WWOX: variants seen among roughly 807,000 people sequenced by gnomAD.
WWOX encodes WW domain-containing oxidoreductase.
WWOX carries 69 observed loss-of-function variants against 46.2 expected under a neutral mutation model. That is an observed-to-expected ratio of 1.49 (90% CI 1.23 to 1.82). The LOEUF (loss-of-function observed/expected upper bound fraction) is 1.82, where lower values mean the gene tolerates loss of function less well. Ranked by LOEUF, WWOX falls within the 40% of genes most tolerant of loss-of-function variation. The probability of loss-of-function intolerance (pLI) is 0.00; values close to 1 mark genes in which losing one functional copy is unlikely to be tolerated. For synonymous variants in WWOX, 359 were observed against 202.6 expected, an observed-to-expected ratio of 1.77 and a Z score of -6.56; for missense variants, 919 against 542.6, an observed-to-expected ratio of 1.69 and a Z score of -6.89.
At chr16:78,601,923 G>C (rs531277874) in intron 8 of WWOX, among the ~76,000 whole-genome samples, 2 of 152,248 alleles carry the variant, frequency 1.3e-5, no homozygotes, top group South Asian at 4.1e-4. Flanking sequence ...TGTTTTATTA[G>C]CGAAATCATC....
intron 8 of WWOX, among the ~76,000 whole-genome samples, chr16:79,013,637 G>T (rs985560818): frequency 5.3e-5 from 8 of 152,032 alleles, no homozygotes; most frequent in African/African-American, 1.4e-4. Context: ...CCTGGGTCCC[G>T]GGTCTCCTCG....
chr16:78,746,998 G>T (rs909763709), intron 8 of WWOX, among the ~76,000 whole-genome samples: 1 of 151,986 alleles, frequency 6.6e-6, no homozygotes, highest in Non-Finnish European at 1.5e-5. Flanking sequence ...ATGTCCTGAA[G>T]ACCTGAACTC....
intron 5 of WWOX, among the ~76,000 whole-genome samples, chr16:78,359,280 C>G (rs562119082): frequency 3.5e-4 from 54 of 152,266 alleles, no homozygotes; most frequent in African/African-American, 1.3e-3. Flanking sequence ...ATATTCTTTT[C>G]AGTTTTAAAT....
chr16:79,013,963 G>C (rs1035558057), intron 8 of WWOX, among the ~76,000 whole-genome samples: 1 of 152,114 alleles, frequency 6.6e-6, no homozygotes, highest in Non-Finnish European at 1.5e-5. Flanking sequence ...AGGATGCTCC[G>C]CCGCCTGTAA....
chr16:78,702,442 G>C (rs1259052012), intron 8 of WWOX, among the ~76,000 whole-genome samples: 2 of 151,900 alleles, frequency 1.3e-5, no homozygotes, highest in Admixed American at 1.3e-4. Context: ...CATGAGGTCA[G>C]GAGTTTGAGA....
Position 78,426,774 on chromosome 16 carries a change from C to T in WWOX, c.791+1719C>T, listed in dbSNP as rs2083089080. On this transcript the variant is annotated intron_variant, in intron 7 of 8. Transcript: ENST00000566780. ...AGACTCCCAGGGTTAAGCGATTCTC[C>T]TGCCTCAGCCTTCCAAGTAGCTGGG... is the stretch of plus-strand genomic sequence containing the variant. 2.6e-5 allele frequency among the ~76,000 whole-genome samples: 4 copies of T among 152,306 alleles called. No homozygotes were observed. The South Asian group carries it at 8.3e-4, about 32-fold the overall frequency.
chr16:78,808,753 G>C (rs1007812769), intron 8 of WWOX, among the ~76,000 whole-genome samples: 2 of 152,110 alleles, frequency 1.3e-5, no homozygotes, highest in African/African-American at 4.8e-5. Context: ...AGTAAATTGA[G>C]ATGCGTAGGT....
chr16:78,862,817 C>G (rs896089303), intron 8 of WWOX, among the ~76,000 whole-genome samples: 1 of 152,154 alleles, frequency 6.6e-6, no homozygotes, highest in African/African-American at 2.4e-5. Flanking sequence ...GTCTGCTTTA[C>G]TCATAGTACT....
intron 6 of WWOX, among the ~76,000 whole-genome samples, chr16:78,423,457 A>G (rs1258760418): frequency 6.6e-6 from 1 of 152,104 alleles, no homozygotes; most frequent in Admixed American, 6.6e-5. Context: ...CCTTGTATAT[A>G]TTTATTTTGT....
intron 8 of WWOX, among the ~76,000 whole-genome samples, chr16:78,765,548 G>A (rs892233835): frequency 5.3e-5 from 8 of 152,000 alleles, no homozygotes; most frequent in Non-Finnish European, 1.0e-4. Context: ...GTGTGATAGC[G>A]GGCGCCTGTA....
rs117526147 is a variant in WWOX at position 78,457,285 on chromosome 16, A to T, written c.1056+24533A>T. Among the ~76,000 whole-genome samples, 195 of 152,328 alleles carry T rather than the reference A, an allele frequency of 1.3e-3. 3 individuals carry two copies. In the East Asian group the frequency reaches 0.035, roughly 28 times the overall value. ...AGCTCTCCTGCAAATATTCCATTGC[A>T]CGACTTTAAATAAAGCAGCAAGAAG... On this transcript the variant is annotated intron_variant, in intron 8 of 8. Coordinates refer to ENST00000566780, the MANE Select transcript of WWOX (RefSeq NM_016373.4).
chr16:78,966,220 T>C (rs1309512989), intron 8 of WWOX, among the ~76,000 whole-genome samples: 1 of 152,238 alleles, frequency 6.6e-6, no homozygotes, highest in Non-Finnish European at 1.5e-5. Flanking sequence ...TTGAGTTTTC[T>C]AAAGGCACTG....
intron 8 of WWOX, among the ~76,000 whole-genome samples, chr16:78,721,196 C>A (rs1462652244): frequency 6.6e-6 from 1 of 152,248 alleles, no homozygotes; most frequent in African/African-American, 2.4e-5. Flanking sequence ...TATTATAGGC[C>A]ATTATACTTT....
At chr16:78,623,099 G>A (rs1445154512) in intron 8 of WWOX, among the ~76,000 whole-genome samples, 2 of 151,960 alleles carry the variant, frequency 1.3e-5, no homozygotes, top group Admixed American at 1.3e-4. Flanking sequence ...CCTCTGATGA[G>A]ACCGCAGCCC....
At chr16:78,231,797 A>G (rs1051588115) in intron 5 of WWOX, among the ~76,000 whole-genome samples, 1 of 152,134 alleles carries the variant, frequency 6.6e-6, no homozygotes, top group Non-Finnish European at 1.5e-5. Context: ...TCTTGATTTC[A>G]ATGTCTTTTT....
chr16:79,032,762 T>A (rs149218092), intron 8 of WWOX, among the ~76,000 whole-genome samples: 13 of 151,822 alleles, frequency 8.6e-5, no homozygotes, highest in East Asian at 1.9e-4. Flanking sequence ...CTTCTTTTTT[T>A]AAAAAATTTA....
At chr16:79,130,504 C>A (rs2049854736) in intron 8 of WWOX, among the ~76,000 whole-genome samples, 1 of 152,086 alleles carries the variant, frequency 6.6e-6, no homozygotes. Flanking sequence ...TGAGCTGAGT[C>A]TTGAGACTCC....
chr16:78,941,753 G>C (rs888919929), intron 8 of WWOX, among the ~76,000 whole-genome samples: 1 of 152,134 alleles, frequency 6.6e-6, no homozygotes, highest in African/African-American at 2.4e-5. Context: ...GCCTTACAAT[G>C]AAATTATATT....
intron 8 of WWOX, among the ~76,000 whole-genome samples, chr16:78,704,419 A>G (rs1171138083): frequency 6.6e-6 from 1 of 152,186 alleles, no homozygotes; most frequent in Non-Finnish European, 1.5e-5. Context: ...CAATACATGT[A>G]GTGCCAACAA....
Sources: allele counts gnomAD v4.1 joint callset (sites outside exome capture counted in the v4.1 genomes callset), GRCh38; gene constraint gnomAD v4.1.1; transcripts MANE v1.5; gene names NCBI Gene and HGNC (gene_info 2026-07-23, HGNC 2026-07-21).